The following KCNMA1 variants were observed in gnomAD, a reference collection of about 807,000 sequenced individuals.
KCNMA1 encodes Calcium-activated potassium channel subunit alpha-1.
A neutral mutation model predicts 140.0 loss-of-function variants in KCNMA1; 29 were observed. The ratio of observed to expected loss-of-function variants is 0.21; its 90% confidence interval spans 0.15 to 0.28. The LOEUF (loss-of-function observed/expected upper bound fraction) is 0.28. Among genes scored for constraint, KCNMA1 ranks in the 10% least tolerant of loss-of-function variants. The pLI is 1.00. For missense variants in KCNMA1, 880 were observed against 1,602.2 expected, an observed-to-expected ratio of 0.55 and a Z score of 7.70; for synonymous variants, 612 against 611.9, an observed-to-expected ratio of 1.00 and a Z score of 0.00.
intron 12 of KCNMA1, among the ~76,000 whole-genome samples, chr10:77,082,483 T>C (rs2096603692): frequency 6.7e-6 from 1 of 149,744 alleles, no homozygotes; most frequent in Non-Finnish European, 1.5e-5. Context: ...CAAACATCTC[T>C]GTGGAGTCAA....
At chr10:76,932,585 T>A (rs1191059144) in intron 23 of KCNMA1, among the ~76,000 whole-genome samples, 1 of 152,170 alleles carries the variant, frequency 6.6e-6, no homozygotes, top group Non-Finnish European at 1.5e-5. Context: ...CATACACTGA[T>A]CCCTCGGTGT....
At chr10:77,250,197 G>C (rs930669176) in intron 3 of KCNMA1, 5 of 152,190 alleles carry the variant, frequency 3.3e-5, no homozygotes, top group Non-Finnish European at 7.3e-5. Flanking sequence ...TGAGCCAACA[G>C]GCACACCAAG....
intron 17 of KCNMA1, among the ~76,000 whole-genome samples, chr10:77,015,529 C>T (rs1036478614): frequency 6.6e-6 from 1 of 152,074 alleles, no homozygotes; most frequent in African/African-American, 2.4e-5. Flanking sequence ...AGAAACAGCA[C>T]CCACATTTAC....
At position 77,175,066 on chromosome 10, in the gene KCNMA1, T is replaced by G. The variant is rs963433601; in HGVS notation, c.808+8355A>C. Among the ~76,000 whole-genome samples the G allele has an allele frequency of 2.0e-5, 3 of 152,100 alleles. No individual in the cohort carries two copies. In the East Asian group the frequency reaches 5.8e-4, roughly 29 times the overall value. On this transcript the variant is annotated intron_variant, in intron 5 of 27. Coordinates refer to ENST00000286628, the MANE Select transcript of KCNMA1 (RefSeq NM_001161352.2). ...AAAACTGGAGATCACCAGGAGTGCT[T>G]GTTAAAACACAGACTGCTGGCTCCA...
chr10:76,922,493 C>T (rs1047298177), intron 23 of KCNMA1, among the ~76,000 whole-genome samples: 3 of 152,150 alleles, frequency 2.0e-5, no homozygotes, highest in African/African-American at 7.2e-5. Flanking sequence ...CCTGCATAAT[C>T]CTGGCCACAT....
intron 9 of KCNMA1, among the ~76,000 whole-genome samples, chr10:77,103,310 C>A (rs544581292): frequency 1.3e-5 from 2 of 152,194 alleles, no homozygotes; most frequent in Non-Finnish European, 2.9e-5. Flanking sequence ...CTCCCTCCAG[C>A]GGGATACAGG....
At chr10:77,553,435 G>A (rs879861224) in intron 1 of KCNMA1, among the ~76,000 whole-genome samples, 1 of 152,184 alleles carries the variant, frequency 6.6e-6, no homozygotes, top group Non-Finnish European at 1.5e-5. Flanking sequence ...CTCCTCTAGT[G>A]AGATGAATGT....
intron 2 of KCNMA1, among the ~76,000 whole-genome samples, chr10:77,359,954 G>A (rs776582921): frequency 1.4e-4 from 21 of 152,228 alleles, no homozygotes; most frequent in Middle Eastern, 3.4e-3. Flanking sequence ...GAGAGGCAAA[G>A]ATGTATAAAA....
intron 2 of KCNMA1, among the ~76,000 whole-genome samples, chr10:77,278,075 T>C (rs1252386087): frequency 1.3e-5 from 2 of 152,242 alleles, no homozygotes; most frequent in African/African-American, 4.8e-5. Flanking sequence ...CATGCTCTGT[T>C]GTAGACCTTT....
At chr10:76,887,584 C>T in intron 27 of KCNMA1, 69 bp from the exon 28 acceptor site, 3 of 1,571,478 alleles carry the variant, frequency 1.9e-6, no homozygotes, top group Non-Finnish European at 2.6e-6. Flanking sequence ...CTCTCTGAAC[C>T]AAAAGCAATG....
chr10:76,989,003 T>C (rs2082041109), intron 19 of KCNMA1, among the ~76,000 whole-genome samples: 1 of 152,142 alleles, frequency 6.6e-6, no homozygotes, highest in Non-Finnish European at 1.5e-5. Flanking sequence ...AGGAGGCTCT[T>C]TGGGGAGGTC....
At chr10:76,984,129 C>A (rs770784483) in intron 19 of KCNMA1, among the ~76,000 whole-genome samples, 25 of 152,176 alleles carry the variant, frequency 1.6e-4, no homozygotes, top group African/African-American at 4.8e-4. Context: ...GTAGTTCTGG[C>A]CCCGAGAGAA....
chr10:77,531,976 T>G (rs1002400739), intron 1 of KCNMA1, among the ~76,000 whole-genome samples: 9 of 152,178 alleles, frequency 5.9e-5, no homozygotes, highest in Non-Finnish European at 1.2e-4. Context: ...AGCTATGCCC[T>G]AAATTCAGGA....
intron 5 of KCNMA1, among the ~76,000 whole-genome samples, chr10:77,169,478 C>T (rs902962244): frequency 1.3e-5 from 2 of 152,036 alleles, no homozygotes; most frequent in Non-Finnish European, 2.9e-5. Flanking sequence ...TAGCTTCAAC[C>T]TCCAAGGCTC....
At chr10:77,434,752 T>C (rs986816347) in intron 1 of KCNMA1, among the ~76,000 whole-genome samples, 1 of 152,088 alleles carries the variant, frequency 6.6e-6, no homozygotes, top group Non-Finnish European at 1.5e-5. Context: ...TAGTGGGAGA[T>C]TCCCCCTTGT....
At chr10:76,944,729 G>A (rs1483314254) in intron 23 of KCNMA1, 44 bp downstream of exon 23, 2 of 1,564,096 alleles carry the variant, frequency 1.3e-6, no homozygotes, top group South Asian at 2.2e-5. Context: ...GCCAGCCCCT[G>A]TCCCCTGCAG....
At chr10:77,217,503 G>T (rs1455391811) in intron 3 of KCNMA1, 1 of 456,480 alleles carries the variant, frequency 2.2e-6, no homozygotes. Context: ...AATATTCTTG[G>T]CCACCCTGGA....
At chr10:77,506,544 A>C (rs1433003029) in intron 1 of KCNMA1, among the ~76,000 whole-genome samples, 1 of 150,428 alleles carries the variant, frequency 6.6e-6, no homozygotes, top group Non-Finnish European at 1.5e-5. Context: ...GTTTTGAAAC[A>C]TGGAGAGAGG....
intron 1 of KCNMA1, among the ~76,000 whole-genome samples, chr10:77,545,978 C>G (rs919119776): frequency 5.9e-5 from 9 of 152,182 alleles, no homozygotes; most frequent in Admixed American, 5.2e-4. Context: ...ACAGGCACGG[C>G]TCTTCACTCC....
Sources: allele counts gnomAD v4.1 joint callset (sites outside exome capture counted in the v4.1 genomes callset), GRCh38; gene constraint gnomAD v4.1.1; transcripts MANE v1.5; gene names NCBI Gene and HGNC (gene_info 2026-07-23, HGNC 2026-07-21).